The following SYNE1 variants were observed in gnomAD, a reference collection of about 807,000 sequenced individuals.
The protein encoded by SYNE1 is nesprin-1.
Under a neutral mutation model 1,111.0 loss-of-function variants are expected in SYNE1, and 616 were observed. The ratio of observed to expected loss-of-function variants is 0.55; its 90% confidence interval spans 0.52 to 0.59. The LOEUF (loss-of-function observed/expected upper bound fraction) is 0.59. SYNE1 is among the 20% of genes least tolerant of loss of function. The probability of loss-of-function intolerance (pLI) is 0.00; values close to 1 mark genes in which losing one functional copy is unlikely to be tolerated. For synonymous variants in SYNE1, 3,855 were observed against 3,825.8 expected, an observed-to-expected ratio of 1.01 and a Z score of -0.28; for missense variants, 10,006 against 10,417.0, an observed-to-expected ratio of 0.96 and a Z score of 1.72.
chr6:152,294,741 A>C (rs543958856), intron 93 of SYNE1, among the ~76,000 whole-genome samples: 1 of 152,344 alleles, frequency 6.6e-6, no homozygotes, highest in Non-Finnish European at 1.5e-5. Context: ...AAACAAAGTG[A>C]ATGATGAAAT....
At chr6:152,266,460 A>T (rs1253136742) in intron 100 of SYNE1, among the ~76,000 whole-genome samples, 1 of 152,172 alleles carries the variant, frequency 6.6e-6, no homozygotes, top group Non-Finnish European at 1.5e-5. Context: ...GGCTCAATCA[A>T]CATGAAAGAA....
rs1397830818 is a variant in SYNE1 at position 152,219,010 on chromosome 6, G to A, written c.22037C>T (p.Ser7346Leu). The change falls in exon 120 of 146, where the codon TCA becomes TTA. Residue 7346 changes from serine to leucine, a missense_variant. Coordinates refer to ENST00000367255, the MANE Select transcript of SYNE1 (RefSeq NM_182961.4). ...TAAATAGGAGCTCTGTACCTGTAAT[G>A]AAGTCTGCTGTTTGCAGAGAGCTTG... ...LEQALCKQQT[S>L]LQAGVLDYET... The A allele has an allele frequency of 6.2e-7, 1 of 1,613,958 alleles. No individual in the cohort carries two copies. Among genetic ancestry groups the A allele is most frequent in the South Asian group, 1.1e-5 (1 of 91,084 alleles).
intron 127 of SYNE1, among the ~76,000 whole-genome samples, chr6:152,198,839 C>A (rs1423934279): frequency 1.3e-5 from 2 of 152,026 alleles, no homozygotes; most frequent in Admixed American, 1.3e-4. Flanking sequence ...CTGTAGATCA[C>A]TGTAACAAAT....
intron 71 of SYNE1, 141 bp from the exon 72 acceptor site, chr6:152,350,476 C>T: frequency 6.8e-7 from 1 of 1,460,204 alleles, no homozygotes; most frequent in Non-Finnish European, 9.5e-7. Flanking sequence ...ACAACATAGT[C>T]ATTATGCCAA....
chr6:152,428,335 C>T lies in SYNE1; in HGVS notation c.4846G>A (p.Ala1616Thr). 1 of 1,614,156 alleles carries T rather than the reference C, an allele frequency of 6.2e-7. No homozygotes were observed. ...SSAITAFSAS[A>T]RKVVNRDSCV... ...GAATCTCTGTTCACAACCTTCCTGG[C>T]ACTGGCTGAGAAGGCAGTGATCGCG... Residue 1616 changes from alanine to threonine, a missense_variant, in exon 37 of 146, where the codon GCC becomes ACC. Ala to Thr is a moderately conservative substitution (Grantham distance 58). Coordinates refer to ENST00000367255, the MANE Select transcript of SYNE1 (RefSeq NM_182961.4).
At chr6:152,231,655 T>C in intron 113 of SYNE1, 88 bp from the exon 114 acceptor site, 1 of 1,351,352 alleles carries the variant, frequency 7.4e-7, no homozygotes, top group Non-Finnish European at 1.0e-6. Flanking sequence ...ACCTTAATAT[T>C]AATATTATCA....
At chr6:152,391,653 T>A (rs1248435368) in intron 51 of SYNE1, 85 bp from the exon 52 acceptor site, 3 of 1,452,016 alleles carry the variant, frequency 2.1e-6, no homozygotes, top group South Asian at 1.4e-5. Flanking sequence ...ATTGTTGATA[T>A]TGGAGCAGTA....
chr6:152,346,809 C>CAAACAAAACA (rs556800870), intron 73 of SYNE1, among the ~76,000 whole-genome samples: 1 of 151,230 alleles, frequency 6.6e-6, no homozygotes, highest in Non-Finnish European at 1.5e-5. Context: ...GACTCCGTCT[C>CAAACAAAACA]AAACAAAACA....
intron 48 of SYNE1, 32 bp from the exon 49 acceptor site, chr6:152,398,763 A>G (rs776335639): frequency 6.4e-7 from 1 of 1,556,102 alleles, no homozygotes; most frequent in South Asian, 1.1e-5. Flanking sequence ...AAATAAAAAT[A>G]AAAAATCAGA....
At chr6:152,607,145 T>A (rs1280131677) in intron 3 of SYNE1, among the ~76,000 whole-genome samples, 1 of 150,476 alleles carries the variant, frequency 6.6e-6, no homozygotes, top group Non-Finnish European at 1.5e-5. Flanking sequence ...CCACCACGCC[T>A]GGCTAATTTT....
At chr6:152,369,640 G>A (rs779000421) in intron 59 of SYNE1, 26 bp from the exon 60 acceptor site, 1 of 1,613,744 alleles carries the variant, frequency 6.2e-7, no homozygotes. Flanking sequence ...TAGTGTCCAG[G>A]ACAAGAAAAT....
chr6:152,452,793 C>T (rs1204331862), intron 25 of SYNE1, among the ~76,000 whole-genome samples: 1 of 152,216 alleles, frequency 6.6e-6, no homozygotes, highest in Non-Finnish European at 1.5e-5. Context: ...CTCAGCTCAT[C>T]TCCCATGGTT....
Position 152,326,287 on chromosome 6 carries a change from C to T in SYNE1, c.15293+9G>A. On this transcript the variant is annotated intron_variant, in intron 79 of 145. Transcript: ENST00000367255. The stretch of plus-strand genomic sequence containing the variant: ...ACTAAAACATAAAACACAAAACATC[C>T]TGAAATACCTCTGCAAGAGATCCAC... 1 of 1,614,072 alleles carries T rather than the reference C, an allele frequency of 6.2e-7. No homozygotes were observed. The highest frequency in any genetic ancestry group is 8.5e-7 in the Non-Finnish European group (1 of 1,179,966).
chr6:152,363,480 C>T (rs1262723925), intron 63 of SYNE1, among the ~76,000 whole-genome samples: 1 of 149,812 alleles, frequency 6.7e-6, no homozygotes, highest in African/African-American at 2.4e-5. Flanking sequence ...GGCGACAGAG[C>T]AAGACTCCGT....
rs1159424311 is a variant in SYNE1, at chr6:152,188,957, CAAAAAAAAAAAAAA to C, written c.23301+281_23301+294del. On this transcript the variant is annotated intron_variant, in intron 128 of 145. Transcript: ENST00000367255. ...TGGGCAAAAGAGTGAGACTCTGTCT[CAAAAAAAAAAAAAA>C]AAAAAAAAAAAAAATATATATATAT... 5.7e-4 allele frequency among the ~76,000 whole-genome samples: 28 copies of C among 49,078 alleles called. No individual in the cohort carries two copies. In the Admixed American group the frequency reaches 8.5e-3, roughly 15 times the overall value. The allele number at this position is 49,078 out of a possible 152,430, so 32.2% of individuals were successfully genotyped here.
chr6:152,481,759 C>A (rs1013819009), intron 14 of SYNE1, among the ~76,000 whole-genome samples: 1 of 150,874 alleles, frequency 6.6e-6, no homozygotes, highest in African/African-American at 2.4e-5. Context: ...GAAACTGATT[C>A]AATCCCAGGA....
chr6:152,482,484 T>C (rs1252697454), intron 14 of SYNE1, among the ~76,000 whole-genome samples: 1 of 152,180 alleles, frequency 6.6e-6, no homozygotes, highest in Non-Finnish European at 1.5e-5. Context: ...AAATGCAAGA[T>C]TGCATTAATG....
intron 62 of SYNE1, among the ~76,000 whole-genome samples, chr6:152,366,536 G>T (rs548634610): frequency 6.6e-6 from 1 of 152,020 alleles, no homozygotes; most frequent in South Asian, 2.1e-4. Context: ...ACACAACTCG[G>T]GTTACCTATC....
chr6:152,310,013 A>G lies in SYNE1; in HGVS notation c.17024T>C (p.Leu5675Ser). The part of the protein sequence containing the change: ...LKEQLSHRQH[L>S]LSEMESLKPK... ...CTTCAGTGACTCCATCTCAGACAAC[A>G]AATGCTGAAAATGCAATTTCATAGT... is the stretch of plus-strand genomic sequence containing the variant. The change falls in exon 90 of 146, where the codon TTG becomes TCG. Residue 5675 changes from leucine (L) to serine (S), a missense_variant. By Grantham distance (145) the Leu-to-Ser change is moderately radical (BLOSUM62 -2). Transcript: ENST00000367255. 1.2e-6 allele frequency: 2 copies of G among 1,613,542 alleles called. No homozygotes were observed. Among genetic ancestry groups the G allele is most frequent in the Non-Finnish European group, 1.7e-6 (2 of 1,179,994 alleles).
Sources: allele counts gnomAD v4.1 joint callset (sites outside exome capture counted in the v4.1 genomes callset), GRCh38; gene constraint gnomAD v4.1.1; transcripts MANE v1.5; gene names NCBI Gene and HGNC (gene_info 2026-07-23, HGNC 2026-07-21).